The following KDM4C variants were observed in gnomAD, a reference collection of about 807,000 sequenced individuals.
The protein encoded by KDM4C is lysine-specific demethylase 4C.
A neutral mutation model predicts 129.3 loss-of-function variants in KDM4C; 81 were observed. That is an observed-to-expected ratio of 0.63 (90% CI 0.52 to 0.75). KDM4C has a LOEUF of 0.75. KDM4C is among the 30% of genes least tolerant of loss of function. KDM4C has a pLI of 0.00. For missense variants in KDM4C, 1,457 were observed against 1,304.0 expected, an observed-to-expected ratio of 1.12 and a Z score of -1.81; for synonymous variants, 573 against 456.1, an observed-to-expected ratio of 1.26 and a Z score of -3.26.
chr9:7,174,812 GT>G lies in KDM4C; in HGVS notation c.*87del. The G allele has an allele frequency of 7.9e-7, 1 of 1,265,420 alleles. No homozygotes were observed. Among genetic ancestry groups the G allele is most frequent in the Non-Finnish European group, 1.1e-6 (1 of 893,084 alleles). 78.4% of individuals were successfully genotyped at this position (1,265,420 alleles called of 1,614,324 possible). ...GGACATCCTTGGGGCTGTGCCGTGA[GT>G]TTTGCTGGCATAGGTGACAGGGTGT... On this transcript the variant is annotated 3_prime_UTR_variant, in exon 22 of 22. Coordinates refer to ENST00000381309, the MANE Select transcript of KDM4C (RefSeq NM_015061.6).
At chr9:7,071,668 T>C (rs953046883) in intron 17 of KDM4C, among the ~76,000 whole-genome samples, 3 of 152,166 alleles carry the variant, frequency 2.0e-5, no homozygotes, top group South Asian at 2.1e-4. Flanking sequence ...ATAAAACTTA[T>C]AGAAGAAAAT....
At chr9:6,897,466 A>T (rs1274615863) in intron 8 of KDM4C, among the ~76,000 whole-genome samples, 1 of 152,218 alleles carries the variant, frequency 6.6e-6, no homozygotes, top group East Asian at 1.9e-4. Context: ...GCTCCAGAAC[A>T]AAAGGGCCTT....
intron 19 of KDM4C, among the ~76,000 whole-genome samples, chr9:7,145,657 T>C (rs10976068): frequency 0.04 from 6,020 of 152,358 alleles, 178 homozygotes; most frequent in South Asian, 0.14. Flanking sequence ...GGCTTCTTTC[T>C]GTGAAGTCTA....
chr9:6,863,811 AAGAG>A lies in KDM4C; in HGVS notation c.629+14119_629+14122del, dbSNP rs200519981. ...TCCATCTCAAAAAAAAAAAAAAAAAAAGAGAGAGAGAAGGAAGGGAGGGCCAGGC... is the reference window on the plus strand; with the variant it reads ...TCCATCTCAAAAAAAAAAAAAAAAAAAGAGAGAAGGAAGGGAGGGCCAGGC... On this transcript the variant is annotated intron_variant, in intron 5 of 21. Transcript: ENST00000381309. Among the ~76,000 whole-genome samples the A allele has an allele frequency of 9.3e-3, 1,366 of 147,552 alleles. 23 individuals are homozygous for A. Among genetic ancestry groups the A allele is most frequent in the South Asian group, 0.019 (85 of 4,452 alleles).
intron 8 of KDM4C, among the ~76,000 whole-genome samples, chr9:6,972,891 T>A (rs187509450): frequency 6.6e-6 from 1 of 152,362 alleles, no homozygotes; most frequent in East Asian, 1.9e-4. Context: ...TGAAATCCAT[T>A]GTGTGTTTTT....
chr9:6,798,783 G>A (rs1169886581), intron 2 of KDM4C, among the ~76,000 whole-genome samples: 14 of 152,216 alleles, frequency 9.2e-5, no homozygotes, highest in Admixed American at 4.6e-4. Flanking sequence ...TGGTGGCCGG[G>A]CAGAGGGGCT....
At chr9:6,722,127 T>C (rs997946168) in intron 1 of KDM4C, among the ~76,000 whole-genome samples, 1 of 152,204 alleles carries the variant, frequency 6.6e-6, no homozygotes. Flanking sequence ...TCTGTTAGCC[T>C]TGACAAATTT....
intron 17 of KDM4C, among the ~76,000 whole-genome samples, chr9:7,075,484 G>A (rs1251863777): frequency 6.6e-6 from 1 of 152,100 alleles, no homozygotes; most frequent in Non-Finnish European, 1.5e-5. Context: ...GAATAAGTTA[G>A]CTCCTGAGAG....
chr9:7,083,908 G>A (rs1008783016), intron 17 of KDM4C, among the ~76,000 whole-genome samples: 1 of 152,154 alleles, frequency 6.6e-6, no homozygotes, highest in Admixed American at 6.5e-5. Flanking sequence ...TTTGGGCAAA[G>A]ATCCTATGAG....
intron 1 of KDM4C, among the ~76,000 whole-genome samples, chr9:6,727,916 G>C (rs930166255): frequency 6.6e-6 from 1 of 151,326 alleles, no homozygotes; most frequent in African/African-American, 2.4e-5. Flanking sequence ...AAAGCAAATG[G>C]ATAATGCTGG....
intron 15 of KDM4C, among the ~76,000 whole-genome samples, chr9:7,032,106 T>C (rs1367008926): frequency 1.3e-5 from 2 of 152,244 alleles, no homozygotes; most frequent in African/African-American, 4.8e-5. Flanking sequence ...TATTTACTTT[T>C]CCATAATATT....
At chr9:6,919,700 G>C (rs1441524102) in intron 8 of KDM4C, among the ~76,000 whole-genome samples, 2 of 151,398 alleles carry the variant, frequency 1.3e-5, no homozygotes, top group Non-Finnish European at 2.9e-5. Flanking sequence ...TTCAGCCTCC[G>C]GAGTAGCTGG....
chr9:6,938,054 A>G (rs1174591266), intron 8 of KDM4C, among the ~76,000 whole-genome samples: 7 of 152,174 alleles, frequency 4.6e-5, no homozygotes, highest in East Asian at 1.9e-4. Context: ...GTTACTTTCA[A>G]TATTTTACAA....
intron 8 of KDM4C, among the ~76,000 whole-genome samples, chr9:6,935,578 C>T (rs188475229): frequency 1.7e-4 from 24 of 143,480 alleles, no homozygotes; most frequent in Admixed American, 5.5e-4. Flanking sequence ...CCACCACGCC[C>T]GGCTAATTTT....
At chr9:6,948,000 C>G (rs1025384845) in intron 8 of KDM4C, 6 of 152,114 alleles carry the variant, frequency 3.9e-5, no homozygotes, top group Non-Finnish European at 7.4e-5. Context: ...CCTTATTCTT[C>G]TAAGTGTAAT....
intron 8 of KDM4C, chr9:6,925,317 C>G: frequency 1.0e-6 from 1 of 985,356 alleles, no homozygotes; most frequent in Non-Finnish European, 1.2e-6. Flanking sequence ...AAAGGAGACA[C>G]AAGCTTTCAT....
chr9:6,733,622 G>A (rs1020267466), intron 1 of KDM4C, among the ~76,000 whole-genome samples: 8 of 152,186 alleles, frequency 5.3e-5, no homozygotes, highest in African/African-American at 1.2e-4. Flanking sequence ...AAGGGGTCCC[G>A]ATCCAGACCC....
At chr9:6,781,158 G>A (rs2130763820) in intron 1 of KDM4C, among the ~76,000 whole-genome samples, 1 of 152,214 alleles carries the variant, frequency 6.6e-6, no homozygotes, top group South Asian at 2.1e-4. Context: ...CCTGTAGGCT[G>A]GGAAGCTTCT....
At chr9:7,022,461 G>C (rs918793608) in intron 15 of KDM4C, among the ~76,000 whole-genome samples, 2 of 152,022 alleles carry the variant, frequency 1.3e-5, no homozygotes, top group Non-Finnish European at 1.5e-5. Flanking sequence ...ATTGTTCACT[G>C]TTGGTATATA....
Sources: gnomAD v4.1 joint callset for allele counts (sites outside exome capture counted in the v4.1 genomes callset) on GRCh38, gnomAD v4.1.1 for gene constraint, MANE v1.5 for transcripts, NCBI Gene and HGNC (gene_info 2026-07-23, HGNC 2026-07-21) for gene names.